Variants in ATP13A5 observed in about 807,000 individuals in gnomAD.
ATP13A5 encodes ATPase 13A5.
A neutral mutation model predicts 150.2 loss-of-function variants in ATP13A5; 149 were observed. That is an observed-to-expected ratio of 0.99 (90% CI 0.87 to 1.14). ATP13A5 has a LOEUF of 1.14. Among genes scored for constraint, ATP13A5 ranks in the 50% most tolerant of loss-of-function variants. The probability of loss-of-function intolerance (pLI) is 0.00; values close to 1 mark genes in which losing one functional copy is unlikely to be tolerated. For missense variants in ATP13A5, 1,383 were observed against 1,449.3 expected, an observed-to-expected ratio of 0.95 and a Z score of 0.74; for synonymous variants, 497 against 522.2, an observed-to-expected ratio of 0.95 and a Z score of 0.66.
intron 15 of ATP13A5, 27 bp from the exon 16 acceptor site, chr3:193,321,864 T>C: frequency 6.2e-7 from 1 of 1,608,042 alleles, no homozygotes; most frequent in Non-Finnish European, 8.5e-7. Context: ...AACAGGGAGC[T>C]TAACAAGCTG....
intron 11 of ATP13A5, among the ~76,000 whole-genome samples, chr3:193,333,154 CACAA>C (rs1418180839): frequency 6.6e-6 from 1 of 150,454 alleles, no homozygotes; most frequent in Non-Finnish European, 1.5e-5. Context: ...CACACACACA[CACAA>C]ACACACACAC....
At chr3:193,333,026 C>T (rs1320608951) in intron 11 of ATP13A5, among the ~76,000 whole-genome samples, 3 of 152,084 alleles carry the variant, frequency 2.0e-5, no homozygotes. Context: ...TCCCTGGGAG[C>T]TATTTCAGAT....
At chr3:193,336,540 T>C (rs1374148738) in intron 9 of ATP13A5, among the ~76,000 whole-genome samples, 2 of 152,216 alleles carry the variant, frequency 1.3e-5, no homozygotes, top group Non-Finnish European at 2.9e-5. Context: ...TCCAGCTTCA[T>C]CCATGTCTCT....
intron 7 of ATP13A5, among the ~76,000 whole-genome samples, chr3:193,347,245 T>C (rs528666554): frequency 2.0e-5 from 3 of 149,666 alleles, no homozygotes; most frequent in South Asian, 2.2e-4. Flanking sequence ...AGTTATTATG[T>C]GCCAGGCATT....
intron 3 of ATP13A5, 48 bp downstream of exon 3, chr3:193,363,188 T>C (rs762220602): frequency 4.5e-6 from 7 of 1,554,438 alleles, no homozygotes; most frequent in South Asian, 1.2e-5. Flanking sequence ...AGTTATTTTA[T>C]GCTTTCTCTG....
intron 25 of ATP13A5, 41 bp from the exon 26 acceptor site, chr3:193,290,100 A>C: frequency 6.5e-7 from 1 of 1,545,744 alleles, no homozygotes; most frequent in Non-Finnish European, 8.7e-7. Context: ...CAATCTTATC[A>C]TTGAGAATAA....
intron 21 of ATP13A5, among the ~76,000 whole-genome samples, chr3:193,310,124 A>T (rs1718786080): frequency 6.6e-6 from 1 of 151,998 alleles, no homozygotes; most frequent in Non-Finnish European, 1.5e-5. Context: ...ACAGTATTTG[A>T]TTTTCTGTTC....
At chr3:193,329,169 A>T (rs1053585534) in intron 12 of ATP13A5, among the ~76,000 whole-genome samples, 2 of 151,998 alleles carry the variant, frequency 1.3e-5, no homozygotes, top group African/African-American at 4.8e-5. Context: ...TGAACCCAGG[A>T]TGCGGAGGCT....
intron 21 of ATP13A5, among the ~76,000 whole-genome samples, chr3:193,308,011 A>G (rs1367411909): frequency 6.6e-6 from 1 of 152,238 alleles, no homozygotes; most frequent in Non-Finnish European, 1.5e-5. Context: ...TATACATTAT[A>G]AGTATTGATA....
At chr3:193,369,795 T>C (rs190360235) in intron 1 of ATP13A5, among the ~76,000 whole-genome samples, 11 of 152,230 alleles carry the variant, frequency 7.2e-5, no homozygotes, top group Admixed American at 6.5e-4. Context: ...CTAATCTCAG[T>C]TTCCATCTCT....
chr3:193,295,429 G>A (rs148010926), intron 25 of ATP13A5, among the ~76,000 whole-genome samples: 326 of 151,900 alleles, frequency 2.1e-3, no homozygotes, highest in African/African-American at 7.0e-3. Context: ...CCAGATTATC[G>A]GAAGCCATCT....
intron 9 of ATP13A5, among the ~76,000 whole-genome samples, chr3:193,342,137 G>C (rs1380719073): frequency 1.3e-5 from 2 of 152,152 alleles, no homozygotes; most frequent in Admixed American, 1.3e-4. Flanking sequence ...GATGAAGTGA[G>C]ATATAAAAGT....
At chr3:193,298,063 A>G (rs570147897) in intron 25 of ATP13A5, among the ~76,000 whole-genome samples, 2 of 152,104 alleles carry the variant, frequency 1.3e-5, no homozygotes, top group Non-Finnish European at 2.9e-5. Context: ...GCATCATTGT[A>G]TCTGATCCTC....
Position 193,274,996 on chromosome 3 carries a change from T to TG in ATP13A5, c.*45dup. ...TCACTTCTCCACAATGTGTTAATTT[T>TG]GGGGAAAAAAGCAATGCTGTTGAGC... is the stretch of plus-strand genomic sequence containing the variant. On this transcript the variant is annotated 3_prime_UTR_variant, in exon 30 of 30. Transcript: ENST00000342358. The TG allele has an allele frequency of 6.2e-7, 1 of 1,603,406 alleles. No individual in the cohort carries two copies. The highest frequency in any genetic ancestry group is 8.5e-7 in the Non-Finnish European group (1 of 1,174,158).
At chr3:193,292,367 TTC>T (rs1399280331) in intron 25 of ATP13A5, among the ~76,000 whole-genome samples, 1 of 152,166 alleles carries the variant, frequency 6.6e-6, no homozygotes, top group Non-Finnish European at 1.5e-5. Context: ...CTCTTTGGTC[TTC>T]TCTCTCATGC....
Position 193,314,022 on chromosome 3 carries a change from C to T in ATP13A5, c.2319+11G>A, listed in dbSNP as rs201444105. 2.5e-6 allele frequency: 4 copies of T among 1,612,138 alleles called. No homozygotes were observed. The African/African-American group carries it at 5.3e-5, about 22-fold the overall frequency. On this transcript the variant is annotated intron_variant, in intron 19 of 29. Transcript: ENST00000342358. The stretch of plus-strand genomic sequence containing the variant: ...CTAGGCCCACGGAGGGGCCTTCTAA[C>T]ATTTGCTCACTTTCTTCCCAGGTCC...
intron 27 of ATP13A5, among the ~76,000 whole-genome samples, chr3:193,283,472 C>G (rs563556705): frequency 1.3e-5 from 2 of 152,240 alleles, no homozygotes; most frequent in East Asian, 3.9e-4. Flanking sequence ...GAAGAAATTG[C>G]TAATGACATG....
At chr3:193,363,179 G>A in intron 3 of ATP13A5, 57 bp downstream of exon 3, 1 of 1,534,248 alleles carries the variant, frequency 6.5e-7, no homozygotes, top group Non-Finnish European at 8.8e-7. Flanking sequence ...TTAATAAACA[G>A]TTATTTTATG....
At chr3:193,294,125 C>A (rs1435441867) in intron 25 of ATP13A5, among the ~76,000 whole-genome samples, 1 of 152,088 alleles carries the variant, frequency 6.6e-6, no homozygotes, top group Non-Finnish European at 1.5e-5. Context: ...GTCCTAGTGT[C>A]ATTTTATGAG....
Sources: allele counts gnomAD v4.1 joint callset (sites outside exome capture counted in the v4.1 genomes callset), GRCh38; gene constraint gnomAD v4.1.1; transcripts MANE v1.5; gene names NCBI Gene and HGNC (gene_info 2026-07-23, HGNC 2026-07-21).